The following MGAT4C variants were observed in gnomAD, a reference collection of about 807,000 sequenced individuals.
MGAT4C encodes MGAT4 family member C, also known as alpha-1,3-mannosyl-glycoprotein 4-beta-N-acetylglucosaminyltransferase C.
In MGAT4C, 19 loss-of-function variants were observed where a neutral mutation model predicts 40.1. The observed-to-expected ratio is 0.47, with a 90% CI of 0.33 to 0.70. MGAT4C has a LOEUF of 0.70. Ranked by LOEUF, MGAT4C falls within the 30% of genes least tolerant of loss-of-function variation. The probability of loss-of-function intolerance (pLI) is 0.02; values close to 1 mark genes in which losing one functional copy is unlikely to be tolerated. For synonymous variants in MGAT4C, 181 were observed against 187.1 expected (o/e 0.97, Z 0.27); for missense variants, 491 against 563.2 (o/e 0.87, Z 1.30).
chr12:86,733,617 C>T (rs1455644137), intron 1 of MGAT4C, among the ~76,000 whole-genome samples: 1 of 152,068 alleles, frequency 6.6e-6, no homozygotes, highest in Admixed American at 6.6e-5. Flanking sequence ...CATGATTGTA[C>T]ATCACAATAG....
At chr12:86,198,295 G>A (rs1949901463) in intron 1 of MGAT4C, among the ~76,000 whole-genome samples, 1 of 152,100 alleles carries the variant, frequency 6.6e-6, no homozygotes, top group East Asian at 1.9e-4. Flanking sequence ...GAGTCTGAAG[G>A]CCATTCAGTC....
intron 2 of MGAT4C, among the ~76,000 whole-genome samples, chr12:86,723,433 G>T (rs1361047421): frequency 6.6e-6 from 1 of 152,158 alleles, no homozygotes; most frequent in African/African-American, 2.4e-5. Flanking sequence ...CCCTTTGAAG[G>T]TTCCAGGAAA....
intron 1 of MGAT4C, among the ~76,000 whole-genome samples, chr12:86,236,746 C>G (rs1566195780): frequency 6.6e-6 from 1 of 151,882 alleles, no homozygotes; most frequent in African/African-American, 2.4e-5. Context: ...AAAGGACCAT[C>G]TCAAGTTCAA....
At chr12:86,781,316 C>A (rs968205560) in intron 1 of MGAT4C, among the ~76,000 whole-genome samples, 2 of 151,880 alleles carry the variant, frequency 1.3e-5, no homozygotes, top group Non-Finnish European at 2.9e-5. Context: ...TCCTCATCAA[C>A]AACTTTTTTT....
chr12:86,361,247 A>T (rs1305408373), intron 3 of MGAT4C, among the ~76,000 whole-genome samples: 2 of 152,222 alleles, frequency 1.3e-5, no homozygotes, highest in Non-Finnish European at 2.9e-5. Context: ...AGGGTTCCCT[A>T]TTTAATAAAT....
chr12:86,604,749 A>G (rs1961983214), intron 2 of MGAT4C, among the ~76,000 whole-genome samples: 1 of 152,174 alleles, frequency 6.6e-6, no homozygotes, highest in South Asian at 2.1e-4. Flanking sequence ...TGCCTTGTCT[A>G]TATTATATAC....
chr12:86,446,290 C>A (rs1222669691), intron 2 of MGAT4C, among the ~76,000 whole-genome samples: 1 of 151,680 alleles, frequency 6.6e-6, no homozygotes, highest in East Asian at 1.9e-4. Context: ...AGTAAAAAAA[C>A]AAAGTCATTT....
At chr12:86,579,309 G>A (rs914770753) in intron 2 of MGAT4C, among the ~76,000 whole-genome samples, 1 of 150,996 alleles carries the variant, frequency 6.6e-6, no homozygotes, top group Non-Finnish European at 1.5e-5. Context: ...TTTATTTTTT[G>A]TGTATCCATT....
chr12:86,006,548 C>A (rs918226485), intron 2 of MGAT4C, among the ~76,000 whole-genome samples: 1 of 152,168 alleles, frequency 6.6e-6, no homozygotes, highest in East Asian at 1.9e-4. Flanking sequence ...GACAAAGAAT[C>A]TCTCCTTGAC....
chr12:86,513,616 ATGTC>A (rs1958631146), intron 2 of MGAT4C, among the ~76,000 whole-genome samples: 1 of 152,170 alleles, frequency 6.6e-6, no homozygotes, highest in South Asian at 2.1e-4. Context: ...GAACAACTGA[ATGTC>A]TGTATGGGAA....
intron 4 of MGAT4C, among the ~76,000 whole-genome samples, chr12:86,295,800 A>G (rs533794404): frequency 5.3e-4 from 80 of 152,252 alleles, no homozygotes; most frequent in Non-Finnish European, 5.4e-4. Context: ...GCCCCACGAG[A>G]GCAGCTAGAT....
intron 2 of MGAT4C, among the ~76,000 whole-genome samples, chr12:86,583,484 G>T (rs1292671729): frequency 6.6e-6 from 1 of 151,200 alleles, no homozygotes; most frequent in East Asian, 1.9e-4. Flanking sequence ...GGCATTATCT[G>T]CCAACAAATA....
chr12:86,401,883 GAA>G (rs1193049020), intron 3 of MGAT4C, among the ~76,000 whole-genome samples: 1 of 152,038 alleles, frequency 6.6e-6, no homozygotes, highest in Non-Finnish European at 1.5e-5. Flanking sequence ...CCTACACTTG[GAA>G]AAGTGACATG....
chr12:86,627,237 C>A (rs1052094796), intron 2 of MGAT4C, among the ~76,000 whole-genome samples: 1 of 152,058 alleles, frequency 6.6e-6, no homozygotes, highest in Non-Finnish European at 1.5e-5. Flanking sequence ...CTCGGTGGAG[C>A]CCACCACAGC....
At chr12:86,695,490 C>T (rs1950239747) in intron 2 of MGAT4C, among the ~76,000 whole-genome samples, 1 of 152,104 alleles carries the variant, frequency 6.6e-6, no homozygotes, top group African/African-American at 2.4e-5. Context: ...TTGCACTGTT[C>T]ACAATAGCAA....
chr12:86,415,410 G>C (rs949478167), intron 3 of MGAT4C, among the ~76,000 whole-genome samples: 1 of 151,960 alleles, frequency 6.6e-6, no homozygotes, highest in African/African-American at 2.4e-5. Flanking sequence ...AAGAGGAGGG[G>C]ATAATAATTG....
intron 2 of MGAT4C, among the ~76,000 whole-genome samples, chr12:86,647,657 C>A (rs530848703): frequency 2.0e-5 from 3 of 151,880 alleles, no homozygotes; most frequent in Non-Finnish European, 4.4e-5. Flanking sequence ...TCTTAGCTGG[C>A]TTACTGCCCC....
At chr12:86,178,177 C>A (rs1887699035) in intron 1 of MGAT4C, among the ~76,000 whole-genome samples, 1 of 152,192 alleles carries the variant, frequency 6.6e-6, no homozygotes, top group Non-Finnish European at 1.5e-5. Flanking sequence ...ACCTTGTGAT[C>A]CGCCCGCCTT....
intron 1 of MGAT4C, among the ~76,000 whole-genome samples, chr12:86,081,715 C>T (rs550047251): frequency 3.3e-5 from 5 of 151,756 alleles, no homozygotes; most frequent in African/African-American, 1.2e-4. Flanking sequence ...TGCTGAGGTA[C>T]AGAAAGGACC....
Sources: allele counts gnomAD v4.1 joint callset (sites outside exome capture counted in the v4.1 genomes callset), GRCh38; gene constraint gnomAD v4.1.1; transcripts MANE v1.5; gene names NCBI Gene and HGNC (gene_info 2026-07-23, HGNC 2026-07-21).